The following RIF1 variants were observed in gnomAD, a reference collection of about 807,000 sequenced individuals.
RIF1 encodes the protein replication timing regulatory factor 1.
Under a neutral mutation model 247.1 loss-of-function variants are expected in RIF1, and 45 were observed. The observed-to-expected ratio is 0.18, with a 90% CI of 0.14 to 0.23. RIF1 has a LOEUF of 0.23. Among genes scored for constraint, RIF1 ranks in the 10% least tolerant of loss-of-function variants. The pLI is 1.00. For synonymous variants in RIF1, 1,087 were observed against 978.8 expected, an observed-to-expected ratio of 1.11 and a Z score of -2.06; for missense variants, 2,967 against 2,862.5, an observed-to-expected ratio of 1.04 and a Z score of -0.83.
intron 7 of RIF1, among the ~76,000 whole-genome samples, chr2:151,421,894 G>A (rs1315795445): frequency 6.6e-6 from 1 of 151,716 alleles, no homozygotes; most frequent in Non-Finnish European, 1.5e-5. Context: ...GAGTGCAGTG[G>A]CGCAGTCTCA....
Position 151,494,759 on chromosome 2 carries a change from C to G in RIF1, c.*416-470C>G, listed in dbSNP as rs936759772. Among the ~76,000 whole-genome samples, 3 of 152,176 alleles carry G rather than the reference C, an allele frequency of 2.0e-5. No homozygotes were observed. The South Asian group carries it at 6.2e-4, about 31-fold the overall frequency. Reference sequence around the variant, plus strand: ...CGCCTCCCGGGTTCAAGTGATTCTTCTGCCTCAGCCTCCTGAGTAGCTGGG... The same window carrying G: ...CGCCTCCCGGGTTCAAGTGATTCTTGTGCCTCAGCCTCCTGAGTAGCTGGG... On this transcript the variant is annotated intron_variant and NMD_transcript_variant, in intron 9 of 13. Transcript: ENST00000454583.
Position 151,463,522 on chromosome 2 carries a change from A to G in RIF1, c.4002A>G (p.Gln1334=), listed in dbSNP as rs1303860986. 6.2e-7 allele frequency: 1 copy of G among 1,614,086 alleles called. No homozygotes were observed. The highest frequency in any genetic ancestry group is 8.5e-7 in the Non-Finnish European group (1 of 1,179,988). ...ATAACCCACCTGGTTTGCTTAATCA[A>G]ACAGAATGTGTGTCAGATAATCAGG... ...LENNPPGLLN[Q]TECVSDNQVH... The change falls in exon 30 of 36, where the codon CAA becomes CAG. Residue 1334 remains glutamine (Q), a synonymous_variant. Coordinates refer to ENST00000444746, the MANE Select transcript of RIF1 (RefSeq NM_018151.5).
At position 151,479,258 on chromosome 2, in the gene RIF1, T is replaced by TA. The variant is rs2049069037; in HGVS notation, c.*4188dup. Reference sequence around the variant, plus strand: ...TTTTGAAGGCTTAAAGTTCAAAAATTATAAGAAAGTTAAGAATTTTGCTTA... The same window carrying TA: ...TTTTGAAGGCTTAAAGTTCAAAAATTAATAAGAAAGTTAAGAATTTTGCTTA... On this transcript the variant is annotated 3_prime_UTR_variant, in exon 36 of 36. Transcript: ENST00000444746. 1 of 152,328 alleles carries TA rather than the reference T, an allele frequency of 6.6e-6. No homozygotes were observed. The highest frequency in any genetic ancestry group is 6.5e-5 in the Admixed American group (1 of 15,294). 9.4% of individuals were successfully genotyped at this position (152,328 alleles called of 1,614,324 possible). A position where few individuals can be genotyped will look rare whatever the true frequency, so the allele number is the denominator to read the frequency against.
chr2:151,519,626 T>C, the RIF1 span: 1 of 1,471,506 alleles, frequency 6.8e-7, no homozygotes, highest in East Asian at 2.3e-5. Flanking sequence ...AAATACCATG[T>C]TATATATTTT....
chr2:151,492,532 T>C, intron 9 of RIF1: 1 of 1,462,086 alleles, frequency 6.8e-7, no homozygotes, highest in Non-Finnish European at 9.5e-7. Context: ...GGTGCTGTCC[T>C]AAATCTGAAA....
the RIF1 span, among the ~76,000 whole-genome samples, chr2:151,531,311 T>C: frequency 2.7e-5 from 1 of 37,196 alleles, no homozygotes; most frequent in Non-Finnish European, 8.3e-5. Flanking sequence ...TTTCTTTCTT[T>C]TTTTTTTTTT....
Position 151,505,554 on chromosome 2 carries a change from G to C in RIF1, c.*862-656G>C, listed in dbSNP as rs2153171689. The C allele has an allele frequency of 6.2e-7, 1 of 1,613,414 alleles. No individual in the cohort carries two copies. Among genetic ancestry groups the C allele is most frequent in the Admixed American group, 1.7e-5 (1 of 60,008 alleles). On this transcript the variant is annotated intron_variant and NMD_transcript_variant, in intron 12 of 13. Transcript: ENST00000454583. The stretch of plus-strand genomic sequence containing the variant: ...AGGGATTGGAGTTCCTTGTCCTATT[G>C]CTTCCTTATACTTCACCTGCAGATT...
intron 34 of RIF1, among the ~76,000 whole-genome samples, chr2:151,470,408 G>A (rs73967546): frequency 0.011 from 1,665 of 152,228 alleles, 38 homozygotes; most frequent in African/African-American, 0.038. Context: ...TTCCTTATCT[G>A]AATTGCTTAG....
chr2:151,435,372 G>T (rs1007094828), intron 10 of RIF1, 91 bp from the exon 11 acceptor site: 5 of 773,434 alleles, frequency 6.5e-6, no homozygotes, highest in Non-Finnish European at 1.1e-5. Context: ...ATATATTAAG[G>T]CTCCATTTAA....
In RIF1 at chr2:151,472,296, T is replaced by C. The variant is rs180920607; in HGVS notation, c.7096-1668T>C. Among the ~76,000 whole-genome samples the C allele has an allele frequency of 4.2e-3, 639 of 152,314 alleles. 6 individuals carry two copies. Among genetic ancestry groups the C allele is most frequent in the Middle Eastern group, 0.024 (7 of 294 alleles). ...CTGAGACAACGGGGTTTTCTAGATA[T>C]ACAATCATGTCATCTGCAAACAGGA... On this transcript the variant is annotated intron_variant, in intron 34 of 35. Transcript: ENST00000444746.
chr2:151,420,157 C>T, intron 6 of RIF1, 33 bp from the exon 7 acceptor site: 3 of 1,577,898 alleles, frequency 1.9e-6, no homozygotes, highest in Non-Finnish European at 2.6e-6. Flanking sequence ...AACATGAGGT[C>T]ACGCTAATTA....
At position 151,506,898 on chromosome 2, in the gene RIF1, A is replaced by G. The variant is rs2069511923; in HGVS notation, c.*1027+523A>G. 1.9e-6 allele frequency: 3 copies of G among 1,547,720 alleles called. No individual in the cohort carries two copies. The East Asian group carries it at 6.8e-5, about 35-fold the overall frequency. On this transcript the variant is annotated intron_variant and NMD_transcript_variant, in intron 13 of 13. Coordinates refer to the RIF1 transcript ENST00000454583. ...GGTTAGCATTAAATGCAAAATAAAT[A>G]GTAAATATACCGAGCTGAAATTCTT...
Position 151,414,867 on chromosome 2 carries a change from A to G in RIF1, c.228A>G (p.Leu76=), listed in dbSNP as rs771142044. ...SQNSELSSAA[L]QALGFCLYNP... ...ACTCGGAGCTGAGTAGTGCTGCTCT[A>G]CAAGCCCTGGGGTTTTGCTTATATA... Residue 76 remains leucine (L), a synonymous_variant, in exon 4 of 36, where the codon CTA becomes CTG. Transcript: ENST00000444746. 3 of 1,613,682 alleles carry G rather than the reference A, an allele frequency of 1.9e-6. No individual in the cohort carries two copies. Among genetic ancestry groups the G allele is most frequent in the East Asian group, 2.2e-5 (1 of 44,870 alleles).
chr2:151,447,030 G>A (rs1455890760), intron 20 of RIF1, among the ~76,000 whole-genome samples: 2 of 146,582 alleles, frequency 1.4e-5, no homozygotes, highest in East Asian at 2.0e-4. Flanking sequence ...TGCAAGCTCC[G>A]CCTCCCGGGT....
At chr2:151,448,565 A>T (rs1182758954) in intron 20 of RIF1, among the ~76,000 whole-genome samples, 1 of 152,176 alleles carries the variant, frequency 6.6e-6, no homozygotes, top group East Asian at 1.9e-4. Flanking sequence ...CTCTTGAAGT[A>T]TTATAGTGTT....
chr2:151,464,086 A>G lies in RIF1; in HGVS notation c.4566A>G (p.Val1522=). 6.2e-7 allele frequency: 1 copy of G among 1,612,862 alleles called. No individual in the cohort carries two copies. Among genetic ancestry groups the G allele is most frequent in the Non-Finnish European group, 8.5e-7 (1 of 1,179,640 alleles). Reference sequence around the variant, plus strand: ...AGGGGGATGGTACCCAGGACATTGTAGATAAGTCCTCTGAGAAACTAGTCA... The same window carrying G: ...AGGGGGATGGTACCCAGGACATTGTGGATAAGTCCTCTGAGAAACTAGTCA... ...KSEGDGTQDI[V]DKSSEKLVRG... is the part of the protein sequence containing the mutation. The change falls in exon 30 of 36, where the codon GTA becomes GTG. Residue 1522 remains valine, a synonymous_variant. Coordinates refer to ENST00000444746, the MANE Select transcript of RIF1 (RefSeq NM_018151.5).
intron 4 of RIF1, among the ~76,000 whole-genome samples, chr2:151,415,745 C>T (rs547089630): frequency 5.9e-5 from 9 of 151,696 alleles, no homozygotes; most frequent in East Asian, 1.9e-4. Context: ...GGTGTGGTGG[C>T]GCATTCCTGT....
the RIF1 span, chr2:151,525,817 C>A: frequency 1.3e-6 from 1 of 750,812 alleles, no homozygotes; most frequent in Non-Finnish European, 2.4e-6. Context: ...TTTTAAAAGT[C>A]AGAGTTTAAG....
At chr2:151,525,160 T>C in the RIF1 span, 4 of 1,607,726 alleles carry the variant, frequency 2.5e-6, no homozygotes, top group Non-Finnish European at 3.4e-6. Flanking sequence ...AGGGAAAACT[T>C]ACATCACTTT....
Sources: gnomAD v4.1 joint callset for allele counts (sites outside exome capture counted in the v4.1 genomes callset) on GRCh38, gnomAD v4.1.1 for gene constraint, MANE v1.5 for transcripts, NCBI Gene and HGNC (gene_info 2026-07-23, HGNC 2026-07-21) for gene names.